POFUT2: variants seen among roughly 807,000 people sequenced by gnomAD.
POFUT2 encodes GDP-fucose protein O-fucosyltransferase 2.
POFUT2 carries 30 observed loss-of-function variants against 55.0 expected under a neutral mutation model. The observed-to-expected ratio is 0.55, with a 90% CI of 0.41 to 0.74. The LOEUF (loss-of-function observed/expected upper bound fraction) is 0.74, where lower values mean the gene tolerates loss of function less well. Among genes scored for constraint, POFUT2 ranks in the 30% least tolerant of loss-of-function variants. POFUT2 has a pLI of 0.00. For synonymous variants in POFUT2, 267 were observed against 231.1 expected (o/e 1.16, Z -1.41); for missense variants, 524 against 562.6 (o/e 0.93, Z 0.69).
chr21:45,270,079 G>T lies in POFUT2; in HGVS notation c.832-60C>A. 1.4e-6 allele frequency: 2 copies of T among 1,393,398 alleles called. No homozygotes were observed. Among genetic ancestry groups the T allele is most frequent in the Non-Finnish European group, 1.9e-6 (2 of 1,050,988 alleles). 86.3% of individuals were successfully genotyped at this position (1,393,398 alleles called of 1,614,324 possible). On this transcript the variant is annotated intron_variant, in intron 6 of 8. Coordinates refer to ENST00000349485, the MANE Select transcript of POFUT2 (RefSeq NM_133635.6). The surrounding 1 kb of genome is among the most constrained non-coding windows in gnomAD (Gnocchi z 4.6). Reference sequence around the variant, plus strand: ...CAGGCGGGCTCGGGGCTCATCCTGGGCACCGGGTGGGACTCGAGACGCAGA... The same window carrying T: ...CAGGCGGGCTCGGGGCTCATCCTGGTCACCGGGTGGGACTCGAGACGCAGA...
In POFUT2 at chr21:45,269,881, G is replaced by A. The variant is rs201399621; in HGVS notation, c.970C>T (p.Arg324Trp). ...GTGGCCACAAACACCTTGTCCAGCC[G>A]GTGGGTCTTCATGAGGCTGCGGATC... ...RKIRSLMKTH[R>W]LDKVFVATDA... The change falls in exon 7 of 9, where the codon CGG becomes TGG. Residue 324 changes from arginine (R) to tryptophan (W), a missense_variant. Arg to Trp is a moderately radical substitution (Grantham distance 101, BLOSUM62 -3). This residue lies in a region of POFUT2 where 250 missense variants were observed against 318.2 expected (regional missense o/e 0.79). Coordinates refer to ENST00000349485, the MANE Select transcript of POFUT2 (RefSeq NM_133635.6). 6.1e-4 allele frequency: 977 copies of A among 1,610,732 alleles called. 6 individuals carry two copies. The South Asian group carries it at 7.2e-3, about 12-fold the overall frequency.
At chr21:45,286,120 A>G (rs988911014) in intron 1 of POFUT2, among the ~76,000 whole-genome samples, 192 bp from the exon 2 acceptor site, 2 of 152,222 alleles carry the variant, frequency 1.3e-5, no homozygotes, top group African/African-American at 4.8e-5. Flanking sequence ...AGCAGCAGAC[A>G]TGCTAACATC....
At chr21:45,276,956 T>C (rs888324923) in intron 6 of POFUT2, 61 bp downstream of exon 6, 3 of 1,571,790 alleles carry the variant, frequency 1.9e-6, no homozygotes, top group South Asian at 1.1e-5. Flanking sequence ...AAGGCCTGAG[T>C]GTGGGGCATC....
chr21:45,285,891 T>C lies in POFUT2; in HGVS notation c.169A>G (p.Asn57Asp), dbSNP rs1466598557. 3 of 1,612,144 alleles carry C rather than the reference T, an allele frequency of 1.9e-6. No homozygotes were observed. The highest frequency in any genetic ancestry group is 2.5e-6 in the Non-Finnish European group (3 of 1,179,532). The part of the protein sequence containing the change: ...LYDVNPPEGF[N>D]LRRDVYIRIA... The stretch of plus-strand genomic sequence containing the variant: ...CGGATATAGACATCCCTGCGCAGGT[T>C]GAAGCCTTCCGGGGGGTTGACGTCA... Residue 57 changes from asparagine to aspartate, a missense_variant, in exon 2 of 9, where the codon AAC becomes GAC. Transcript: ENST00000349485. The surrounding 1 kb of genome is among the most constrained non-coding windows in gnomAD (Gnocchi z 4.9).
rs1372852571 is a variant in POFUT2 at position 45,264,623 on chromosome 21, C to G, written c.*859G>C. 1 of 152,128 alleles carries G rather than the reference C, an allele frequency of 6.6e-6. No homozygotes were observed. Among genetic ancestry groups the G allele is most frequent in the Non-Finnish European group, 1.5e-5 (1 of 68,314 alleles). The allele number at this position is 152,128 out of a possible 1,614,324, so 9.4% of individuals were successfully genotyped here. ...ATGGCAGACCTGGAGGCCCCATGTGCACCTGCCAGCCGGGGCGAGGGCAGG... is the reference window on the plus strand; with the variant it reads ...ATGGCAGACCTGGAGGCCCCATGTGGACCTGCCAGCCGGGGCGAGGGCAGG... On this transcript the variant is annotated 3_prime_UTR_variant, in exon 9 of 9. Transcript: ENST00000349485.
In POFUT2 at chr21:45,277,911, C is replaced by A; in HGVS notation, c.705+192G>T. On this transcript the variant is annotated intron_variant, in intron 5 of 8. Transcript: ENST00000349485. This position sits in a 1 kb window ranked among gnomAD's most constrained non-coding sequence, Gnocchi z 6.9. ...AGAGCTGGGTGGCCCTGCGGGCTCC[C>A]GAGGACCTGGCTCTGCAGCCACGTG... 1 of 638,786 alleles carries A rather than the reference C, an allele frequency of 1.6e-6. No homozygotes were observed. Among genetic ancestry groups the A allele is most frequent in the Non-Finnish European group, 2.8e-6 (1 of 359,388 alleles). 39.6% of individuals were successfully genotyped at this position (638,786 alleles called of 1,614,324 possible). A position where few individuals can be genotyped will look rare whatever the true frequency, so the allele number is the denominator to read the frequency against.
At chr21:45,275,561 C>T (rs1450577507) in intron 6 of POFUT2, among the ~76,000 whole-genome samples, 4 of 152,186 alleles carry the variant, frequency 2.6e-5, no homozygotes, top group Admixed American at 6.5e-5. Context: ...AAATGTGGTA[C>T]ATCAGCCATA....
In POFUT2 at chr21:45,270,658, G is replaced by A. The variant is rs372184484; in HGVS notation, c.832-639C>T. Reference sequence around the variant, plus strand: ...CCCCCAGAGTCCACTTCACTCCCCCGCCACCTCCAGCAGAGCAGGTGCTGG... The same window carrying A: ...CCCCCAGAGTCCACTTCACTCCCCCACCACCTCCAGCAGAGCAGGTGCTGG... On this transcript the variant is annotated intron_variant, in intron 6 of 8. Coordinates refer to ENST00000349485, the MANE Select transcript of POFUT2 (RefSeq NM_133635.6). This position sits in a 1 kb window ranked among gnomAD's most constrained non-coding sequence, Gnocchi z 4.6. Among the ~76,000 whole-genome samples, 88 of 152,214 alleles carry A rather than the reference G, an allele frequency of 5.8e-4. 1 individual carries two copies. Among genetic ancestry groups the A allele is most frequent in the Middle Eastern group, 6.8e-3 (2 of 294 alleles).
chr21:45,277,193 C>T lies in POFUT2; in HGVS notation c.706-51G>A, dbSNP rs781286181. 1.9e-5 allele frequency: 31 copies of T among 1,592,716 alleles called. No homozygotes were observed. The highest frequency in any genetic ancestry group is 2.6e-5 in the Non-Finnish European group (31 of 1,172,448). On this transcript the variant is annotated intron_variant, in intron 5 of 8. Coordinates refer to ENST00000349485, the MANE Select transcript of POFUT2 (RefSeq NM_133635.6). The surrounding 1 kb of genome is among the most constrained non-coding windows in gnomAD (Gnocchi z 6.9). The stretch of plus-strand genomic sequence containing the variant: ...GAGAACACGCCCGCCCGCCACGCAG[C>T]CCTCCCGGAGCGGGTTCTCCTGTCG...
Position 45,277,727 on chromosome 21 carries a change from C to A in POFUT2, c.705+376G>T. 3.9e-6 allele frequency: 1 copy of A among 254,622 alleles called. No homozygotes were observed. Among genetic ancestry groups the A allele is most frequent in the Non-Finnish European group, 7.6e-6 (1 of 130,830 alleles). The allele number at this position is 254,622 out of a possible 1,614,324, so 15.8% of individuals were successfully genotyped here. ...GTCACCCCATCAATGCGGAAATCAA[C>A]GCCAACGGAAAAGACCCGCTGCAGA... On this transcript the variant is annotated intron_variant, in intron 5 of 8. Coordinates refer to ENST00000349485, the MANE Select transcript of POFUT2 (RefSeq NM_133635.6). The surrounding 1 kb of genome is among the most constrained non-coding windows in gnomAD (Gnocchi z 6.9).
At chr21:45,269,610 A>G (rs1360242432) in intron 7 of POFUT2, among the ~76,000 whole-genome samples, 2 of 151,878 alleles carry the variant, frequency 1.3e-5, no homozygotes, top group Non-Finnish European at 2.9e-5. Context: ...AAGAGTCATC[A>G]CCAATCCCTA....
Position 45,285,659 on chromosome 21 carries a change from G to T in POFUT2, c.382+19C>A, listed in dbSNP as rs1389494945. 6.2e-7 allele frequency: 1 copy of T among 1,613,366 alleles called. No homozygotes were observed. Among genetic ancestry groups the T allele is most frequent in the Non-Finnish European group, 8.5e-7 (1 of 1,180,000 alleles). Reference sequence around the variant, plus strand: ...CCAGTTAAGCAACCACGGCCTCCCAGCGTGCCGCTCGGCCTCACCTGCGAT... The same window carrying T: ...CCAGTTAAGCAACCACGGCCTCCCATCGTGCCGCTCGGCCTCACCTGCGAT... On this transcript the variant is annotated intron_variant, in intron 2 of 8. Transcript: ENST00000349485. The surrounding 1 kb of genome is among the most constrained non-coding windows in gnomAD (Gnocchi z 4.9).
chr21:45,287,666 G>GC, intron 1 of POFUT2, 75 bp downstream of exon 1: 9 of 153,782 alleles, frequency 5.9e-5, no homozygotes, highest in Non-Finnish European at 8.0e-5. Flanking sequence ...CCCTGACCCC[G>GC]CCCCGCCCCC....
intron 6 of POFUT2, among the ~76,000 whole-genome samples, chr21:45,276,585 T>C (rs1031654579): frequency 1.3e-5 from 2 of 152,238 alleles, no homozygotes; most frequent in East Asian, 3.8e-4. Context: ...AGGATGATTC[T>C]AGACCAAAAC....
chr21:45,283,687 G>A lies in POFUT2; in HGVS notation c.383-160C>T, dbSNP rs188440813. Among the ~76,000 whole-genome samples the A allele has an allele frequency of 4.6e-5, 7 of 152,304 alleles. No individual in the cohort carries two copies. The East Asian group carries it at 1.3e-3, about 29-fold the overall frequency. On this transcript the variant is annotated intron_variant, in intron 2 of 8. Coordinates refer to ENST00000349485, the MANE Select transcript of POFUT2 (RefSeq NM_133635.6). ...AAAGCAGAGACAGGGCAGAGCACAT[G>A]CCATGAGGGCACAGGGCCATCAGCG... is the stretch of plus-strand genomic sequence containing the variant.
chr21:45,277,081 C>T lies in POFUT2; in HGVS notation c.767G>A (p.Arg256Lys). 6.2e-7 allele frequency: 1 copy of T among 1,614,112 alleles called. No homozygotes were observed. The highest frequency in any genetic ancestry group is 8.5e-7 in the Non-Finnish European group (1 of 1,179,974). ...TGCGTCGTCCGTGGAGTTGAGATGT[C>T]TGCTCCTGAACTCGTCTCCCACCTC... ...LREVGDEFRS[R>K]HLNSTDDADR... The change falls in exon 6 of 9, where the codon AGA becomes AAA. Residue 256 changes from arginine (R) to lysine (K), a missense_variant. By Grantham distance (26) the Arg-to-Lys change is conservative. Around this residue, in one of 2 missense-constraint regions of POFUT2, gnomAD observed 250 missense variants for 318.2 expected, o/e 0.79. Coordinates refer to ENST00000349485, the MANE Select transcript of POFUT2 (RefSeq NM_133635.6). This position sits in a 1 kb window ranked among gnomAD's most constrained non-coding sequence, Gnocchi z 6.9.
intron 4 of POFUT2, among the ~76,000 whole-genome samples, chr21:45,279,243 T>A (rs183252116): frequency 0.011 from 1,618 of 152,002 alleles, 33 homozygotes; most frequent in African/African-American, 0.036. Flanking sequence ...TACAAAAAAA[T>A]TAGCCGGGCG....
intron 1 of POFUT2, among the ~76,000 whole-genome samples, chr21:45,287,134 G>A (rs1376860488): frequency 1.4e-5 from 2 of 141,024 alleles, no homozygotes; most frequent in Non-Finnish European, 1.5e-5. Flanking sequence ...CAGCCAACCC[G>A]CTGGCCCGAC....
chr21:45,269,790 A>T, intron 7 of POFUT2, 49 bp downstream of exon 7: 1 of 1,544,084 alleles, frequency 6.5e-7, no homozygotes, highest in Non-Finnish European at 8.8e-7. Context: ...ATCAATAAAA[A>T]AAATAAATTA....
Sources: gnomAD v4.1 joint callset for allele counts (sites outside exome capture counted in the v4.1 genomes callset) on GRCh38, gnomAD v4.1.1 for gene constraint, gnomAD v4.1.1 regional missense constraint, Gnocchi (gnomAD v3.1) non-coding constraint, MANE v1.5 for transcripts, NCBI Gene and HGNC (gene_info 2026-07-23, HGNC 2026-07-21) for gene names.